The following SSBP2 variants were observed in gnomAD, a reference collection of about 807,000 sequenced individuals.
The protein encoded by SSBP2 is single-stranded DNA-binding protein 2.
A neutral mutation model predicts 61.8 loss-of-function variants in SSBP2; 17 were observed. The observed-to-expected ratio is 0.28, with a 90% CI of 0.19 to 0.41. The LOEUF (loss-of-function observed/expected upper bound fraction) is 0.41, where lower values mean the gene tolerates loss of function less well. Ranked by LOEUF, SSBP2 falls within the 10% of genes least tolerant of loss-of-function variation. The pLI, the probability that SSBP2 is intolerant of heterozygous loss-of-function variation, is 1.00. For missense variants in SSBP2, 310 were observed against 458.7 expected, an observed-to-expected ratio of 0.68 and a Z score of 2.96; for synonymous variants, 139 against 141.3, an observed-to-expected ratio of 0.98 and a Z score of 0.12.
rs145742717 is a variant in SSBP2 at position 81,640,318 on chromosome 5, C to T, written c.136-3700G>A. On this transcript the variant is annotated intron_variant, in intron 2 of 16. Transcript: ENST00000320672. ...TAGCACCACGGCACTCCAGCCTGGG[C>T]GACAGAGTGAGACTCTGTCTCAAAA... 7.0e-3 allele frequency among the ~76,000 whole-genome samples: 1,058 copies of T among 151,882 alleles called. 13 individuals are homozygous for T. The highest frequency in any genetic ancestry group is 0.024 in the African/African-American group (1,012 of 41,410).
intron 16 of SSBP2, among the ~76,000 whole-genome samples, chr5:81,428,280 T>G (rs912994599): frequency 2.6e-5 from 4 of 152,210 alleles, no homozygotes; most frequent in African/African-American, 9.6e-5. Flanking sequence ...TGAGACATTT[T>G]AGTAGCATGA....
intron 4 of SSBP2, among the ~76,000 whole-genome samples, chr5:81,603,402 G>C (rs1411429513): frequency 6.6e-6 from 1 of 152,116 alleles, no homozygotes; most frequent in Non-Finnish European, 1.5e-5. Flanking sequence ...AGAGACCAGG[G>C]AAGAAGCCTC....
At chr5:81,668,783 T>G (rs2153779222) in intron 1 of SSBP2, among the ~76,000 whole-genome samples, 1 of 152,232 alleles carries the variant, frequency 6.6e-6, no homozygotes, top group East Asian at 1.9e-4. Context: ...TTGTTACATT[T>G]TACATTATAT....
Position 81,441,610 on chromosome 5 carries a change from G to A in SSBP2, c.850-974C>T, listed in dbSNP as rs549072491. ...TGAAGGCTTTTAGGAAGAAATAACT[G>A]CCTTTGGCAGGCAAACCTGTACTTC... On this transcript the variant is annotated intron_variant, in intron 13 of 16. Coordinates refer to ENST00000320672, the MANE Select transcript of SSBP2 (RefSeq NM_012446.5). Among the ~76,000 whole-genome samples the A allele has an allele frequency of 2.0e-5, 3 of 152,292 alleles. No individual in the cohort carries two copies. The East Asian group carries it at 5.8e-4, about 29-fold the overall frequency.
chr5:81,524,862 C>A (rs1769796676), intron 4 of SSBP2, among the ~76,000 whole-genome samples: 1 of 152,070 alleles, frequency 6.6e-6, no homozygotes, highest in Admixed American at 6.6e-5. Flanking sequence ...AGGCCTCTAA[C>A]TCTGCCTTCC....
chr5:81,723,177 G>A (rs2153974410), intron 1 of SSBP2, among the ~76,000 whole-genome samples: 1 of 152,082 alleles, frequency 6.6e-6, no homozygotes, highest in Middle Eastern at 3.4e-3. Context: ...TTCTATACAA[G>A]TTAACAAATG....
intron 1 of SSBP2, among the ~76,000 whole-genome samples, chr5:81,695,514 G>A (rs1051719948): frequency 8.3e-5 from 8 of 96,148 alleles, no homozygotes; most frequent in African/African-American, 3.0e-4. Flanking sequence ...CCCACCCCAC[G>A]ACAGGCCCCG....
At chr5:81,467,431 A>G (rs1335848480) in intron 8 of SSBP2, among the ~76,000 whole-genome samples, 1 of 152,036 alleles carries the variant, frequency 6.6e-6, no homozygotes, top group East Asian at 1.9e-4. Context: ...GACCCAGCAC[A>G]ATGACATAAA....
chr5:81,725,064 A>G (rs557841379), intron 1 of SSBP2, among the ~76,000 whole-genome samples: 13 of 152,286 alleles, frequency 8.5e-5, no homozygotes, highest in African/African-American at 3.1e-4. Flanking sequence ...AGCAGAGAAA[A>G]TAAATAAATA....
chr5:81,725,159 T>G (rs1270796458), intron 1 of SSBP2, among the ~76,000 whole-genome samples: 1 of 152,034 alleles, frequency 6.6e-6, no homozygotes, highest in East Asian at 1.9e-4. Flanking sequence ...TAAGAAGAGA[T>G]CTGAATGGAG....
intron 1 of SSBP2, among the ~76,000 whole-genome samples, chr5:81,674,856 C>T (rs961565738): frequency 2.0e-5 from 3 of 152,056 alleles, no homozygotes; most frequent in Admixed American, 6.6e-5. Flanking sequence ...CATATCAAAA[C>T]GTAATTTATA....
chr5:81,560,005 T>A (rs1272353032), intron 4 of SSBP2, among the ~76,000 whole-genome samples: 2 of 152,190 alleles, frequency 1.3e-5, no homozygotes, highest in Non-Finnish European at 2.9e-5. Flanking sequence ...GATTTCAACA[T>A]ACACAATATA....
rs534579306 is a variant in SSBP2, at chr5:81,706,069, A to G, written c.62+44912T>C. Among the ~76,000 whole-genome samples, 8 of 152,346 alleles carry G rather than the reference A, an allele frequency of 5.3e-5. No homozygotes were observed. In the East Asian group the frequency reaches 1.3e-3, roughly 26 times the overall value. ...CATACGCTGATCACAGCATATTCAC[A>G]GTAGCAAAGACATGGAATCAATCTA... On this transcript the variant is annotated intron_variant, in intron 1 of 16. Coordinates refer to ENST00000320672, the MANE Select transcript of SSBP2 (RefSeq NM_012446.5).
chr5:81,627,033 A>T (rs1318675283), intron 3 of SSBP2, among the ~76,000 whole-genome samples: 1 of 152,234 alleles, frequency 6.6e-6, no homozygotes, highest in African/African-American at 2.4e-5. Flanking sequence ...TGACATACGC[A>T]AAAGTAATTT....
In SSBP2 at chr5:81,416,747, T is replaced by C. The variant is rs115982186; in HGVS notation, c.*3757A>G. ...AATGGAGTTCAGATATCTTAGAGAATCATAAAAATAGAAATGGAAGTTTTA... is the reference window on the plus strand; with the variant it reads ...AATGGAGTTCAGATATCTTAGAGAACCATAAAAATAGAAATGGAAGTTTTA... On this transcript the variant is annotated 3_prime_UTR_variant, in exon 17 of 17. Coordinates refer to ENST00000320672, the MANE Select transcript of SSBP2 (RefSeq NM_012446.5). 0.016 allele frequency: 2,475 copies of C among 152,292 alleles called. 34 individuals carry two copies. The highest frequency in any genetic ancestry group is 0.028 in the Non-Finnish European group (1,935 of 68,012). The allele number at this position is 152,292 out of a possible 1,614,324, so 9.4% of individuals were successfully genotyped here. A position where few individuals can be genotyped will look rare whatever the true frequency, so the allele number is the denominator to read the frequency against.
chr5:81,443,812 T>C (rs959284213), intron 12 of SSBP2, among the ~76,000 whole-genome samples: 1 of 152,238 alleles, frequency 6.6e-6, no homozygotes, highest in Non-Finnish European at 1.5e-5. Flanking sequence ...TCTGCCCACC[T>C]TGGCCTCCCA....
intron 4 of SSBP2, among the ~76,000 whole-genome samples, chr5:81,614,089 G>A (rs1279218236): frequency 1.3e-5 from 2 of 152,144 alleles, no homozygotes; most frequent in Non-Finnish European, 2.9e-5. Context: ...GGCCGGGCGC[G>A]GTGGCTCACG....
At position 81,747,296 on chromosome 5, in the gene SSBP2, A is replaced by G. The variant is rs537899267; in HGVS notation, c.62+3685T>C. ...TTTCAGCTTCAATCACAGGTTCTAA[A>G]GTTAGAGAAATCTGTGTTAGAAACC... is the stretch of plus-strand genomic sequence containing the variant. On this transcript the variant is annotated intron_variant, in intron 1 of 16. Coordinates refer to ENST00000320672, the MANE Select transcript of SSBP2 (RefSeq NM_012446.5). Among the ~76,000 whole-genome samples, 5 of 152,284 alleles carry G rather than the reference A, an allele frequency of 3.3e-5. 1 individual carries two copies. In the East Asian group the frequency reaches 9.6e-4, roughly 29 times the overall value.
intron 1 of SSBP2, among the ~76,000 whole-genome samples, chr5:81,694,951 G>A (rs578137016): frequency 2.6e-5 from 4 of 152,126 alleles, no homozygotes; most frequent in Non-Finnish European, 5.9e-5. Context: ...AGTGAGCTGT[G>A]ACCACACCAC....
Sources: allele counts gnomAD v4.1 joint callset (sites outside exome capture counted in the v4.1 genomes callset), GRCh38; gene constraint gnomAD v4.1.1; transcripts MANE v1.5; gene names NCBI Gene and HGNC (gene_info 2026-07-23, HGNC 2026-07-21).